TMEM201: variants seen among roughly 807,000 people sequenced by gnomAD.
The protein encoded by TMEM201 is RP13-15M17.2.
TMEM201 carries 26 observed loss-of-function variants against 63.4 expected under a neutral mutation model. The ratio of observed to expected loss-of-function variants is 0.41; its 90% CI spans 0.30 to 0.57. The LOEUF (loss-of-function observed/expected upper bound fraction) is 0.57. Ranked by LOEUF, TMEM201 falls within the 20% of genes least tolerant of loss-of-function variation. TMEM201 has a pLI of 0.29. For synonymous variants in TMEM201, 417 were observed against 421.6 expected, an observed-to-expected ratio of 0.99 and a Z score of 0.14; for missense variants, 794 against 917.7, an observed-to-expected ratio of 0.87 and a Z score of 1.74.
chr1:9,598,946 T>TC (rs1644081948), intron 4 of TMEM201, among the ~76,000 whole-genome samples: 1 of 149,072 alleles, frequency 6.7e-6, no homozygotes, highest in Non-Finnish European at 1.5e-5. Flanking sequence ...ACTGCACCCG[T>TC]CCTTTTTTTT....
intron 9 of TMEM201, chr1:9,611,108 T>C: frequency 7.0e-7 from 1 of 1,427,946 alleles, no homozygotes; most frequent in Non-Finnish European, 9.4e-7. Flanking sequence ...ACTCAAATGG[T>C]GCTGTACTGC....
intron 2 of TMEM201, 111 bp downstream of exon 2, chr1:9,596,121 C>A (rs760398452): frequency 9.5e-6 from 13 of 1,372,922 alleles, no homozygotes; most frequent in South Asian, 1.3e-5. Context: ...ATGGACCCCA[C>A]ACCCTCATAC....
intron 1 of TMEM201, among the ~76,000 whole-genome samples, chr1:9,594,364 C>T (rs1019480336): frequency 2.0e-5 from 3 of 152,124 alleles, no homozygotes; most frequent in Admixed American, 6.6e-5. Flanking sequence ...GGGTGTGGGC[C>T]GAGGCTGCTG....
intron 1 of TMEM201, among the ~76,000 whole-genome samples, chr1:9,593,828 A>T (rs1643963147): frequency 6.6e-6 from 1 of 152,166 alleles, no homozygotes; most frequent in African/African-American, 2.4e-5. Flanking sequence ...TGTCCGGCTC[A>T]GGGGTGGGGG....
Position 9,607,580 on chromosome 1 carries a change from G to A in TMEM201, c.1184G>A (p.Gly395Asp). 6.4e-7 allele frequency: 1 copy of A among 1,550,766 alleles called. No individual in the cohort carries two copies. The highest frequency in any genetic ancestry group is 8.7e-7 in the Non-Finnish European group (1 of 1,146,586). Reference protein sequence around the residue: ...PRRFFPGDSAGLFPTSPSLAI... With the variant: ...PRRFFPGDSADLFPTSPSLAI... The stretch of plus-strand genomic sequence containing the variant: ...AGGTTCTTCCCAGGAGACTCTGCCG[G>A]CCTTTTCCCCACCAGCCCCAGCTTG... The change falls in exon 7 of 11, where the codon GGC becomes GAC. Residue 395 changes from glycine to aspartate, a missense_variant. Transcript: ENST00000340381. The surrounding 1 kb of genome is among the most constrained non-coding windows in gnomAD (Gnocchi z 5.4).
At chr1:9,601,495 C>T (rs369257447) in intron 5 of TMEM201, 41 bp downstream of exon 5, 98 of 1,539,174 alleles carry the variant, frequency 6.4e-5, no homozygotes, top group Admixed American at 4.8e-4. Flanking sequence ...GGGCAGGGGA[C>T]TGTGTGCTGG....
rs1032484326 is a variant in TMEM201 at position 9,607,050 on chromosome 1, G to A, written c.1161-507G>A. ...GGAATCACACCTGGGAACAGAGGGT[G>A]CCCAGAGCCGTGCTGGGGCCTGACT... On this transcript the variant is annotated intron_variant, in intron 6 of 10. Transcript: ENST00000340381. This position sits in a 1 kb window ranked among gnomAD's most constrained non-coding sequence, Gnocchi z 5.4. 2.0e-5 allele frequency among the ~76,000 whole-genome samples: 3 copies of A among 152,156 alleles called. No individual in the cohort carries two copies.
intron 1 of TMEM201, among the ~76,000 whole-genome samples, 177 bp downstream of exon 1, chr1:9,589,220 C>G (rs1643880017): frequency 6.6e-6 from 1 of 151,094 alleles, no homozygotes; most frequent in Non-Finnish European, 1.5e-5. Flanking sequence ...CGGGAAGCGG[C>G]TGCGGAGTCG....
chr1:9,603,743 A>G lies in TMEM201; in HGVS notation c.1160+1471A>G, dbSNP rs1644192141. The G allele has an allele frequency of 1.0e-6, 1 of 985,440 alleles. No individual in the cohort carries two copies. The highest frequency in any genetic ancestry group is 1.2e-6 in the Non-Finnish European group (1 of 829,934). 61.0% of individuals were successfully genotyped at this position (985,440 alleles called of 1,614,324 possible). A position where few individuals can be genotyped will look rare whatever the true frequency, so the allele number is the denominator to read the frequency against. On this transcript the variant is annotated intron_variant, in intron 6 of 10. Transcript: ENST00000340381. This position sits in a 1 kb window ranked among gnomAD's most constrained non-coding sequence, Gnocchi z 4.5. The stretch of plus-strand genomic sequence containing the variant: ...GGCTGCCCCACCCCAGTGATTGGGT[A>G]GCAGCTCACATCCCACCCAGCTTCA...
At chr1:9,598,685 C>T in intron 4 of TMEM201, 60 bp downstream of exon 4, 1 of 1,552,554 alleles carries the variant, frequency 6.4e-7, no homozygotes, top group South Asian at 1.2e-5. Flanking sequence ...GGAAACCCTC[C>T]CAGGAGGCTG....
intron 1 of TMEM201, among the ~76,000 whole-genome samples, chr1:9,591,346 C>T (rs1277680181): frequency 6.6e-6 from 1 of 152,264 alleles, no homozygotes; most frequent in African/African-American, 2.4e-5. Flanking sequence ...CCCTGCCTCG[C>T]ACCAGAACTT....
intron 4 of TMEM201, among the ~76,000 whole-genome samples, chr1:9,600,747 C>T (rs1644123395): frequency 6.6e-6 from 1 of 152,112 alleles, no homozygotes; most frequent in South Asian, 2.1e-4. Flanking sequence ...GGTAAAACCC[C>T]ATCTCTACAA....
At chr1:9,596,785 G>A in intron 2 of TMEM201, 74 bp from the exon 3 acceptor site, 2 of 1,466,446 alleles carry the variant, frequency 1.4e-6, no homozygotes, top group Non-Finnish European at 1.8e-6. Flanking sequence ...AGCGGGGCGG[G>A]CCCCCAGGGA....
chr1:9,597,260 G>A (rs1296153452), intron 3 of TMEM201, among the ~76,000 whole-genome samples: 2 of 152,150 alleles, frequency 1.3e-5, no homozygotes, highest in African/African-American at 2.4e-5. Flanking sequence ...TTCTGACCCC[G>A]TTGGAGCTGA....
rs533257925 is a variant in TMEM201 at position 9,604,860 on chromosome 1, C to A, written c.1160+2588C>A. On this transcript the variant is annotated intron_variant, in intron 6 of 10. Coordinates refer to ENST00000340381, the MANE Select transcript of TMEM201 (RefSeq NM_001130924.3). This position sits in a 1 kb window ranked among gnomAD's most constrained non-coding sequence, Gnocchi z 4.1. ...AGAATTGTGGATAATTGTCTAGTGA[C>A]CCTCTCATCACTGTAACCATCGCGC... 86 of 985,984 alleles carry A rather than the reference C, an allele frequency of 8.7e-5. No homozygotes were observed. In the South Asian group the frequency reaches 3.5e-3, roughly 40 times the overall value. The allele number at this position is 985,984 out of a possible 1,614,324, so 61.1% of individuals were successfully genotyped here.
chr1:9,601,323 G>A lies in TMEM201; in HGVS notation c.825G>A (p.Leu275=). 1 of 1,609,294 alleles carries A rather than the reference G, an allele frequency of 6.2e-7. No individual in the cohort carries two copies. The highest frequency in any genetic ancestry group is 1.3e-5 in the African/African-American group (1 of 75,062). The change falls in exon 5 of 11, where the codon CTG becomes CTA. Residue 275 remains leucine (L), a synonymous_variant. Coordinates refer to ENST00000340381, the MANE Select transcript of TMEM201 (RefSeq NM_001130924.3). Reference sequence around the variant, plus strand: ...GGGCCGAGGGCTGGCGGCAGTTGCTGGGCCTACTCCCCGAGCACATGGCGG... The same window carrying A: ...GGGCCGAGGGCTGGCGGCAGTTGCTAGGCCTACTCCCCGAGCACATGGCGG... ...TPGAEGWRQL[L]GLLPEHMAEK... is the part of the protein sequence containing the mutation.
chr1:9,588,941 T>C lies in TMEM201; in HGVS notation c.11T>C (p.Val4Ala). Residue 4 changes from valine to alanine, a missense_variant, in exon 1 of 11, where the codon GTG becomes GCG. Transcript: ENST00000340381. MEG[V>A]SALLARCPTA... is the part of the protein sequence containing the mutation. ...TCCACGCGGAGAGCCATGGAGGGAG[T>C]GAGCGCGCTGCTGGCCCGCTGCCCC... is the stretch of plus-strand genomic sequence containing the variant. 4.7e-6 allele frequency: 6 copies of C among 1,276,382 alleles called. No individual in the cohort carries two copies. The highest frequency in any genetic ancestry group is 6.0e-6 in the Non-Finnish European group (6 of 992,782). The allele number at this position is 1,276,382 out of a possible 1,614,324, so 79.1% of individuals were successfully genotyped here. A position where few individuals can be genotyped will look rare whatever the true frequency, so the allele number is the denominator to read the frequency against.
At chr1:9,597,098 A>C in intron 3 of TMEM201, 45 bp downstream of exon 3, 2 of 1,566,292 alleles carry the variant, frequency 1.3e-6, no homozygotes, top group Non-Finnish European at 1.7e-6. Flanking sequence ...GGGGCCAGGG[A>C]TGCTTAGAGC....
chr1:9,592,316 G>A lies in TMEM201; in HGVS notation c.113+3273G>A, dbSNP rs61782988. On this transcript the variant is annotated intron_variant, in intron 1 of 10. Coordinates refer to ENST00000340381, the MANE Select transcript of TMEM201 (RefSeq NM_001130924.3). ...GCCTCTGGCTCCCTGGCCCCTGAGG[G>A]AACCTGACTCTTACAGTCTTTCCAA... is the stretch of plus-strand genomic sequence containing the variant. Among the ~76,000 whole-genome samples the A allele has an allele frequency of 3.2e-3, 484 of 152,340 alleles. 3 individuals carry two copies. The highest frequency in any genetic ancestry group is 0.011 in the African/African-American group (450 of 41,570).
Sources: allele counts gnomAD v4.1 joint callset (sites outside exome capture counted in the v4.1 genomes callset), GRCh38; gene constraint gnomAD v4.1.1; non-coding constraint Gnocchi (gnomAD v3.1); transcripts MANE v1.5; gene names NCBI Gene and HGNC (gene_info 2026-07-23, HGNC 2026-07-21).